COL14A1: variants seen among roughly 807,000 people sequenced by gnomAD.
COL14A1 encodes the protein collagen alpha-1(XIV) chain.
In COL14A1, 136 loss-of-function variants were observed where a neutral mutation model predicts 230.3. The observed-to-expected ratio is 0.59, with a 90% CI of 0.51 to 0.68. The LOEUF (loss-of-function observed/expected upper bound fraction) is 0.68, where lower values mean the gene tolerates loss of function less well. COL14A1 is among the 30% of genes least tolerant of loss of function. The probability of loss-of-function intolerance (pLI) is 0.00; values close to 1 mark genes in which losing one functional copy is unlikely to be tolerated. For synonymous variants in COL14A1, 792 were observed against 784.1 expected (o/e 1.01, Z -0.17); for missense variants, 1,976 against 2,215.8 (o/e 0.89, Z 2.17).
chr8:120,251,992 A>T (rs2129687803), intron 22 of COL14A1, among the ~76,000 whole-genome samples: 1 of 151,342 alleles, frequency 6.6e-6, no homozygotes, highest in East Asian at 1.9e-4. Context: ...CTATTCTTTC[A>T]TTTTTTTTCT....
chr8:120,249,065 T>C (rs532382506), intron 21 of COL14A1, among the ~76,000 whole-genome samples: 13 of 149,202 alleles, frequency 8.7e-5, no homozygotes, highest in African/African-American at 2.9e-4. Context: ...TAGCTGGGAC[T>C]ACAGGCGCCC....
At chr8:120,127,545 A>G (rs1192529963) in intron 1 of COL14A1, among the ~76,000 whole-genome samples, 1 of 152,196 alleles carries the variant, frequency 6.6e-6, no homozygotes, top group Non-Finnish European at 1.5e-5. Context: ...CCCTCCACGC[A>G]TGTCTTGATT....
intron 37 of COL14A1, among the ~76,000 whole-genome samples, chr8:120,310,604 G>T (rs888510312): frequency 2.0e-5 from 3 of 152,182 alleles, no homozygotes; most frequent in Non-Finnish European, 4.4e-5. Context: ...CAAGGAACAC[G>T]TTTTTCTACT....
intron 20 of COL14A1, among the ~76,000 whole-genome samples, chr8:120,246,361 A>G (rs148841911): frequency 6.6e-6 from 1 of 152,308 alleles, no homozygotes; most frequent in East Asian, 1.9e-4. Flanking sequence ...GAAGGAAAAC[A>G]GAAGAGCAGA....
intron 41 of COL14A1, 141 bp from the exon 42 acceptor site, chr8:120,332,523 T>C: frequency 1.4e-6 from 1 of 690,824 alleles, no homozygotes. Flanking sequence ...TTTTGGGAGT[T>C]GGGAACAGGA....
At chr8:120,217,330 G>C (rs1817785282) in intron 14 of COL14A1, among the ~76,000 whole-genome samples, 1 of 152,158 alleles carries the variant, frequency 6.6e-6, no homozygotes, top group African/African-American at 2.4e-5. Flanking sequence ...ACAGTATCTT[G>C]CATGCAGTGA....
intron 25 of COL14A1, among the ~76,000 whole-genome samples, chr8:120,267,351 A>T (rs893610333): frequency 3.9e-5 from 6 of 151,966 alleles, no homozygotes; most frequent in East Asian, 1.9e-4. Context: ...TTTTTATTTC[A>T]ATAATGAACA....
At chr8:120,202,045 C>T (rs1479722041) in intron 8 of COL14A1, among the ~76,000 whole-genome samples, 1 of 152,120 alleles carries the variant, frequency 6.6e-6, no homozygotes, top group Non-Finnish European at 1.5e-5. Flanking sequence ...TTCAGATGTA[C>T]ATTTGAGAAG....
At chr8:120,128,388 T>C (rs1814423416) in intron 1 of COL14A1, among the ~76,000 whole-genome samples, 2 of 152,150 alleles carry the variant, frequency 1.3e-5, no homozygotes. Context: ...ATCACTGAGC[T>C]TCAAGGATAA....
chr8:120,208,082 A>AGAG (rs1460324306), intron 10 of COL14A1, 150 bp from the exon 11 acceptor site: 1 of 676,718 alleles, frequency 1.5e-6, no homozygotes, highest in Non-Finnish European at 2.3e-6. Flanking sequence ...GAATTCAAAG[A>AGAG]GAGTTGACTG....
chr8:120,359,374 A>G (rs1286816116), intron 45 of COL14A1, among the ~76,000 whole-genome samples: 1 of 152,050 alleles, frequency 6.6e-6, no homozygotes, highest in African/African-American at 2.4e-5. Context: ...AACACATTTT[A>G]TTTTAAATTC....
chr8:120,214,831 C>T (rs762116511), intron 13 of COL14A1, among the ~76,000 whole-genome samples: 22 of 151,948 alleles, frequency 1.4e-4, no homozygotes, highest in African/African-American at 2.4e-4. Flanking sequence ...AGCTGTTGCA[C>T]GTAAGATGAT....
intron 12 of COL14A1, among the ~76,000 whole-genome samples, chr8:120,210,518 G>A (rs975080170): frequency 1.3e-5 from 2 of 152,114 alleles, no homozygotes; most frequent in Non-Finnish European, 2.9e-5. Context: ...AATTTGAGAG[G>A]TAGATAAACA....
chr8:120,294,477 C>A (rs1586839029), intron 34 of COL14A1, among the ~76,000 whole-genome samples: 1 of 132,478 alleles, frequency 7.5e-6, no homozygotes. Flanking sequence ...TTATAATTTT[C>A]AGTGAGTTAC....
chr8:120,355,931 G>A (rs1822968339), intron 45 of COL14A1, among the ~76,000 whole-genome samples: 1 of 152,112 alleles, frequency 6.6e-6, no homozygotes, highest in African/African-American at 2.4e-5. Flanking sequence ...TTTTCAGTTT[G>A]GCAGATAGAT....
At chr8:120,190,198 C>T (rs1816775159) in intron 5 of COL14A1, among the ~76,000 whole-genome samples, 1 of 152,032 alleles carries the variant, frequency 6.6e-6, no homozygotes, top group African/African-American at 2.4e-5. Context: ...GAGATGGTAT[C>T]TCATTATGGT....
intron 15 of COL14A1, among the ~76,000 whole-genome samples, chr8:120,226,419 A>G (rs1586783443): frequency 6.6e-6 from 1 of 152,230 alleles, no homozygotes; most frequent in Admixed American, 6.5e-5. Flanking sequence ...TGTTATTTCC[A>G]TGGTTTCCCT....
At chr8:120,284,582 G>A (rs1820138905) in intron 32 of COL14A1, among the ~76,000 whole-genome samples, 1 of 152,134 alleles carries the variant, frequency 6.6e-6, no homozygotes, top group African/African-American at 2.4e-5. Flanking sequence ...AAAGTATTAA[G>A]CTTATTTCCG....
At chr8:120,370,506 G>T (rs1358562929) in intron 47 of COL14A1, 1 of 1,493,520 alleles carries the variant, frequency 6.7e-7, no homozygotes. Flanking sequence ...CTGCATCCCT[G>T]CCTTCCCACT....
Sources: allele counts gnomAD v4.1 joint callset (sites outside exome capture counted in the v4.1 genomes callset), GRCh38; gene constraint gnomAD v4.1.1; transcripts MANE v1.5; gene names NCBI Gene and HGNC (gene_info 2026-07-23, HGNC 2026-07-21).